The following EHBP1L1 variants were observed in gnomAD, a reference collection of about 807,000 sequenced individuals.
The protein encoded by EHBP1L1 is EH domain binding protein 1 like 1.
Under a neutral mutation model 151.1 loss-of-function variants are expected in EHBP1L1, and 122 were observed. The ratio of observed to expected loss-of-function variants is 0.81; its 90% CI spans 0.70 to 0.94. The LOEUF (loss-of-function observed/expected upper bound fraction) is 0.94. Ranked by LOEUF, EHBP1L1 falls within the 40% of genes least tolerant of loss-of-function variation. EHBP1L1 has a pLI of 0.00. For missense variants in EHBP1L1, 1,941 were observed against 1,959.8 expected, an observed-to-expected ratio of 0.99 and a Z score of 0.18; for synonymous variants, 878 against 810.1, an observed-to-expected ratio of 1.08 and a Z score of -1.42.
At chr11:65,584,600 A>G in intron 11 of EHBP1L1, 66 bp downstream of exon 11, 1 of 1,569,590 alleles carries the variant, frequency 6.4e-7, no homozygotes, top group Non-Finnish European at 8.6e-7. Flanking sequence ...TCAGTGTCAG[A>G]TTTGGAGAAA....
Position 65,585,297 on chromosome 11 carries a change from C to A in EHBP1L1, c.3639C>A (p.Val1213=). The A allele has an allele frequency of 9.3e-7, 1 of 1,074,240 alleles. No homozygotes were observed. Among genetic ancestry groups the A allele is most frequent in the South Asian group, 4.3e-5 (1 of 23,164 alleles). 66.5% of individuals were successfully genotyped at this position (1,074,240 alleles called of 1,614,324 possible). The change falls in exon 12 of 19, where the codon GTC becomes GTA. Residue 1213 remains valine, a synonymous_variant. Transcript: ENST00000309295. This position sits in a 1 kb window ranked among gnomAD's most constrained non-coding sequence, Gnocchi z 4.0. ...AAPGVASRNA[V]AGRASKDGGA... is the part of the protein sequence containing the mutation. ...CGGGGGTGGCCTCCAGGAACGCGGTCGCGGGCCGCGCCTCCAAGGACGGCG... is the reference window on the plus strand; with the variant it reads ...CGGGGGTGGCCTCCAGGAACGCGGTAGCGGGCCGCGCCTCCAAGGACGGCG...
At chr11:65,579,056 C>T (rs753550137) in intron 1 of EHBP1L1, 22 bp from the exon 2 acceptor site, 3 of 1,567,486 alleles carry the variant, frequency 1.9e-6, no homozygotes, top group South Asian at 1.2e-5. Context: ...TCCCTTTCTC[C>T]CTCCCCTTCC....
At position 65,585,098 on chromosome 11, in the gene EHBP1L1, A is replaced by T; in HGVS notation, c.3440A>T (p.Gln1147Leu). Residue 1147 changes from glutamine to leucine, a missense_variant, in exon 12 of 19, where the codon CAG becomes CTG. Gln to Leu is a moderately radical substitution (Grantham distance 113). Transcript: ENST00000309295. This position sits in a 1 kb window ranked among gnomAD's most constrained non-coding sequence, Gnocchi z 4.0. ...GCCTTCTGCACCGGGCAGGAGCTGC[A>T]GCTGGTACAACTGGAGGGCGGCGGC... is the stretch of plus-strand genomic sequence containing the variant. ...IRAFCTGQEL[Q>L]LVQLEGGGGA... 6.5e-7 allele frequency: 1 copy of T among 1,529,436 alleles called. No homozygotes were observed. The allele number at this position is 1,529,436 out of a possible 1,614,324, so 94.7% of individuals were successfully genotyped here.
rs1305712601 is a variant in EHBP1L1, at chr11:65,583,581, G to A, written c.2909G>A (p.Gly970Asp). 6 of 1,607,160 alleles carry A rather than the reference G, an allele frequency of 3.7e-6. No homozygotes were observed. The highest frequency in any genetic ancestry group is 1.7e-5 in the Admixed American group (1 of 59,284). The change falls in exon 9 of 19, where the codon GGT becomes GAT. Residue 970 changes from glycine (G) to aspartate (D), a missense_variant. Gly to Asp is a moderately conservative substitution (Grantham distance 94, BLOSUM62 -1). Transcript: ENST00000309295. ...KVLESPENKS[G>D]TFKAQEAEAG... ...TTAGAGTCTCCAGAGAACAAATCTG[G>A]TACTTTTAAGGCCCAGGAAGCGGAG... is the stretch of plus-strand genomic sequence containing the variant.
Position 65,580,150 on chromosome 11 carries a change from C to T in EHBP1L1, c.382C>T (p.Pro128Ser), listed in dbSNP as rs746755894. 27 of 1,613,580 alleles carry T rather than the reference C, an allele frequency of 1.7e-5. 1 individual carries two copies. The South Asian group carries it at 2.6e-4, about 16-fold the overall frequency. ...CCTGGCCCGCCATGCAGGGCCCGTG[C>T]CTGTCCAAGTCCCAGTGAGGCTGCG... is the stretch of plus-strand genomic sequence containing the variant. ...VDLARHAGPV[P>S]VQVPVRLRLK... Residue 128 changes from proline (P) to serine (S), a missense_variant, in exon 5 of 19, where the codon CCT (proline) becomes TCT (serine). Coordinates refer to ENST00000309295, the MANE Select transcript of EHBP1L1 (RefSeq NM_001099409.3).
chr11:65,586,411 C>T (rs999703011), intron 12 of EHBP1L1, among the ~76,000 whole-genome samples: 2 of 152,258 alleles, frequency 1.3e-5, no homozygotes, highest in Non-Finnish European at 2.9e-5. Flanking sequence ...TGCAAACCTT[C>T]AGCTGTCCAG....
intron 12 of EHBP1L1, among the ~76,000 whole-genome samples, chr11:65,588,130 T>C (rs1258503555): frequency 6.6e-6 from 1 of 151,558 alleles, no homozygotes; most frequent in Non-Finnish European, 1.5e-5. Flanking sequence ...AGAGGAGGCT[T>C]CTGGAGACAT....
chr11:65,580,658 G>A (rs1003444337), intron 6 of EHBP1L1, among the ~76,000 whole-genome samples, 179 bp downstream of exon 6: 1 of 152,166 alleles, frequency 6.6e-6, no homozygotes, highest in African/African-American at 2.4e-5. Context: ...CGATAGCCTT[G>A]GTCTTCAGCT....
Position 65,591,784 on chromosome 11 carries a change from C to CCCCCCCCCCCA in EHBP1L1, c.4284-13_4284-12insCCCCCCCACCC. On this transcript the variant is annotated splice_polypyrimidine_tract_variant and intron_variant, in intron 16 of 18. Transcript: ENST00000309295. The stretch of plus-strand genomic sequence containing the variant: ...AACTGCCACCCCCCCGCCACCCACC[C>CCCCCCCCCCCA]CCCGCCACCTTCCAGCATGGAGGAG... 1 of 1,514,738 alleles carries CCCCCCCCCCCA rather than the reference C, an allele frequency of 6.6e-7. No individual in the cohort carries two copies. The highest frequency in any genetic ancestry group is 8.9e-7 in the Non-Finnish European group (1 of 1,117,558). 93.8% of individuals were successfully genotyped at this position (1,514,738 alleles called of 1,614,324 possible).
Position 65,584,471 on chromosome 11 carries a change from G to A in EHBP1L1, c.3252-15G>A, listed in dbSNP as rs773345644. 31 of 1,613,264 alleles carry A rather than the reference G, an allele frequency of 1.9e-5. No individual in the cohort carries two copies. The highest frequency in any genetic ancestry group is 2.6e-5 in the Non-Finnish European group (31 of 1,179,782). On this transcript the variant is annotated splice_polypyrimidine_tract_variant and intron_variant, in intron 10 of 18. Transcript: ENST00000309295. ...GCAGTGTGGACCCAGCCTCTGACCA[G>A]CACACTCTCTGCAGTGACTATGCCT...
chr11:65,581,507 C>T (rs151128543), intron 8 of EHBP1L1, 32 bp from the exon 9 acceptor site: 1 of 1,426,816 alleles, frequency 7.0e-7, no homozygotes, highest in Non-Finnish European at 9.3e-7. Flanking sequence ...GCCAAAGCAG[C>T]CCCCCAACTC....
At chr11:65,586,319 G>A (rs1462675868) in intron 12 of EHBP1L1, among the ~76,000 whole-genome samples, 2 of 152,240 alleles carry the variant, frequency 1.3e-5, no homozygotes, top group African/African-American at 4.8e-5. Context: ...AGCTGCTGGA[G>A]TCCAGGACAC....
In EHBP1L1 at chr11:65,581,742, G is replaced by A. The variant is rs747038078; in HGVS notation, c.1070G>A (p.Arg357Lys). 12 of 1,603,910 alleles carry A rather than the reference G, an allele frequency of 7.5e-6. No individual in the cohort carries two copies. In the Admixed American group the frequency reaches 2.1e-4, roughly 28 times the overall value. Residue 357 changes from arginine to lysine, a missense_variant, in exon 9 of 19, where the codon AGG (arginine) becomes AAG (lysine). Arg to Lys is a conservative substitution (Grantham distance 26, BLOSUM62 2). Transcript: ENST00000309295. ...GAAGGGACAGAAGCCCATGGAGCTA[G>A]GCTGGGCCCGAGCATTGAGGATAAA... Reference protein sequence around the residue: ...PQEGTEAHGARLGPSIEDKGS... With the variant: ...PQEGTEAHGAKLGPSIEDKGS...
In EHBP1L1 at chr11:65,585,541, T is replaced by G; in HGVS notation, c.3883T>G (p.Ser1295Ala). The change falls in exon 12 of 19, where the codon TCG becomes GCG. Residue 1295 changes from serine (S) to alanine (A), a missense_variant. Transcript: ENST00000309295. The surrounding 1 kb of genome is among the most constrained non-coding windows in gnomAD (Gnocchi z 4.0). Reference protein sequence around the residue: ...KRRSRLRNSSSFSMDDPDAGA... With the variant: ...KRRSRLRNSSAFSMDDPDAGA... Reference sequence around the variant, plus strand: ...GCGCTCGCGGCTGCGGAACAGCAGCTCGTTCTCGATGGACGATCCGGACGC... The same window carrying G: ...GCGCTCGCGGCTGCGGAACAGCAGCGCGTTCTCGATGGACGATCCGGACGC... 2 of 1,578,964 alleles carry G rather than the reference T, an allele frequency of 1.3e-6. No individual in the cohort carries two copies. The highest frequency in any genetic ancestry group is 2.3e-5 in the East Asian group (1 of 43,264).
rs369566292 is a variant in EHBP1L1, at chr11:65,583,678, A to G, written c.3006A>G (p.Ala1002=). 94 of 1,581,988 alleles carry G rather than the reference A, an allele frequency of 5.9e-5. No individual in the cohort carries two copies. Among genetic ancestry groups the G allele is most frequent in the Middle Eastern group, 3.4e-4 (2 of 5,900 alleles). Reference sequence around the variant, plus strand: ...TCACAGAGGCCAGCCTGCCTGAAGCACAGGTGGCCAGTGGGGCAGGGGCTG... The same window carrying G: ...TCACAGAGGCCAGCCTGCCTGAAGCGCAGGTGGCCAGTGGGGCAGGGGCTG... ...GSLTEASLPE[A]QVASGAGAGA... The change falls in exon 9 of 19, where the codon GCA becomes GCG. Residue 1002 remains alanine (A), a synonymous_variant. Coordinates refer to ENST00000309295, the MANE Select transcript of EHBP1L1 (RefSeq NM_001099409.3).
At position 65,582,751 on chromosome 11, in the gene EHBP1L1, A is replaced by G. The variant is rs377630746; in HGVS notation, c.2079A>G (p.Thr693=). 1.2e-6 allele frequency: 2 copies of G among 1,613,512 alleles called. No homozygotes were observed. The highest frequency in any genetic ancestry group is 1.3e-5 in the African/African-American group (1 of 74,882). ...GDLGPLKIED[T]IQSEMLGTQE... ...TAGGGCCACTGAAGATAGAAGATAC[A>G]ATACAGTCTGAGATGCTGGGGACCC... The change falls in exon 9 of 19, where the codon ACA becomes ACG. Residue 693 remains threonine, a synonymous_variant. Transcript: ENST00000309295.
intron 6 of EHBP1L1, 140 bp from the exon 7 acceptor site, chr11:65,580,918 C>T: frequency 6.3e-6 from 9 of 1,439,750 alleles, no homozygotes; most frequent in Non-Finnish European, 7.3e-6. Flanking sequence ...GGGCCTGTCT[C>T]TTCTCGCAGG....
chr11:65,591,814 A>T lies in EHBP1L1; in HGVS notation c.4298A>T (p.Asp1433Val). The T allele has an allele frequency of 8.9e-7, 1 of 1,125,854 alleles. No homozygotes were observed. The highest frequency in any genetic ancestry group is 1.2e-6 in the Non-Finnish European group (1 of 846,262). The allele number at this position is 1,125,854 out of a possible 1,614,324, so 69.7% of individuals were successfully genotyped here. The part of the protein sequence containing the change: ...DQLQLLMEEQ[D>V]LERRFELLSR... Reference sequence around the variant, plus strand: ...CCACCTTCCAGCATGGAGGAGCAGGACTTGGAGCGAAGGTTCGAGCTGCTG... The same window carrying T: ...CCACCTTCCAGCATGGAGGAGCAGGTCTTGGAGCGAAGGTTCGAGCTGCTG... Residue 1433 changes from aspartate to valine, a missense_variant, in exon 17 of 19, where the codon GAC (aspartate) becomes GTC (valine). By Grantham distance (152) the Asp-to-Val change is radical. Coordinates refer to ENST00000309295, the MANE Select transcript of EHBP1L1 (RefSeq NM_001099409.3).
chr11:65,591,766 A>AGC, intron 16 of EHBP1L1, 34 bp from the exon 17 acceptor site: 2 of 806,796 alleles, frequency 2.5e-6, no homozygotes, highest in Non-Finnish European at 2.1e-6. Flanking sequence ...CTGAACTGCC[A>AGC]CCCCCCCGCC....
Sources: allele counts gnomAD v4.1 joint callset (sites outside exome capture counted in the v4.1 genomes callset), GRCh38; gene constraint gnomAD v4.1.1; non-coding constraint Gnocchi (gnomAD v3.1); transcripts MANE v1.5; gene names NCBI Gene and HGNC (gene_info 2026-07-23, HGNC 2026-07-21).